AGBL4: variants seen among roughly 807,000 people sequenced by gnomAD.
AGBL4 encodes AGBL carboxypeptidase 4.
A neutral mutation model predicts 66.4 loss-of-function variants in AGBL4; 58 were observed. The ratio of observed to expected loss-of-function variants is 0.87; its 90% CI spans 0.71 to 1.09. The LOEUF (loss-of-function observed/expected upper bound fraction) is 1.09. AGBL4 is among the 50% of genes least tolerant of loss of function. The probability of loss-of-function intolerance (pLI) is 0.00; values close to 1 mark genes in which losing one functional copy is unlikely to be tolerated. For synonymous variants in AGBL4, 234 were observed against 222.9 expected (o/e 1.05, Z -0.44); for missense variants, 579 against 631.0 (o/e 0.92, Z 0.88).
chr1:48,780,817 T>C (rs1215599371), intron 6 of AGBL4, among the ~76,000 whole-genome samples: 1 of 152,088 alleles, frequency 6.6e-6, no homozygotes, highest in East Asian at 1.9e-4. Flanking sequence ...CCTAAAACCA[T>C]AAAAACTCTA....
intron 4 of AGBL4, among the ~76,000 whole-genome samples, chr1:49,121,251 C>T (rs189400609): frequency 3.9e-5 from 6 of 152,260 alleles, no homozygotes; most frequent in Non-Finnish European, 7.4e-5. Flanking sequence ...GTTCCATTGC[C>T]GGCGAGGAGC....
chr1:49,925,941 A>C (rs1454199378), intron 1 of AGBL4, among the ~76,000 whole-genome samples: 1 of 152,220 alleles, frequency 6.6e-6, no homozygotes, highest in Non-Finnish European at 1.5e-5. Flanking sequence ...CACCTGGAGC[A>C]CAGGAGAACT....
chr1:48,955,777 A>C (rs886209092), intron 5 of AGBL4, among the ~76,000 whole-genome samples: 2 of 152,186 alleles, frequency 1.3e-5, no homozygotes, highest in Non-Finnish European at 1.5e-5. Context: ...TGGCTGGATG[A>C]CCCTGGGAAA....
chr1:49,258,168 C>T (rs1036158090), intron 3 of AGBL4, among the ~76,000 whole-genome samples: 3 of 152,226 alleles, frequency 2.0e-5, no homozygotes, highest in African/African-American at 4.8e-5. Flanking sequence ...ATCACCATCA[C>T]CAAAGACCAA....
chr1:50,021,131 C>G (rs920056032), intron 1 of AGBL4, among the ~76,000 whole-genome samples: 1 of 152,094 alleles, frequency 6.6e-6, no homozygotes, highest in African/African-American at 2.4e-5. Flanking sequence ...TTTTTTAGCC[C>G]TTCATTTTAT....
At chr1:49,278,702 G>A (rs774139602) in intron 3 of AGBL4, among the ~76,000 whole-genome samples, 124 of 152,102 alleles carry the variant, frequency 8.2e-4, no homozygotes, top group Middle Eastern at 3.4e-3. Context: ...TGTTGCTGGC[G>A]TCAGGGATAG....
chr1:49,320,795 AAAAG>A (rs1645119196), intron 3 of AGBL4, among the ~76,000 whole-genome samples: 1 of 152,186 alleles, frequency 6.6e-6, no homozygotes, highest in South Asian at 2.1e-4. Flanking sequence ...AGTAATTTAT[AAAAG>A]AAAGAGGTTT....
chr1:48,612,872 G>A lies in AGBL4; in HGVS notation c.951+21621C>T, dbSNP rs189939238. ...ATGAGGGCCAGGCACGATGGCTCAC[G>A]CCTGTAATCCCAGCACTTTGGGAGG... On this transcript the variant is annotated intron_variant, in intron 9 of 13. Coordinates refer to ENST00000371839, the MANE Select transcript of AGBL4 (RefSeq NM_032785.4). Among the ~76,000 whole-genome samples the A allele has an allele frequency of 2.5e-3, 381 of 152,216 alleles. 1 individual carries two copies. Among genetic ancestry groups the A allele is most frequent in the African/African-American group, 8.7e-3 (361 of 41,530 alleles).
intron 2 of AGBL4, among the ~76,000 whole-genome samples, chr1:49,847,146 A>G (rs959663191): frequency 1.3e-5 from 2 of 152,138 alleles, no homozygotes; most frequent in African/African-American, 4.8e-5. Context: ...AGCCAACTAC[A>G]CATACATTGG....
intron 5 of AGBL4, among the ~76,000 whole-genome samples, chr1:48,869,052 T>G (rs1281699526): frequency 6.6e-6 from 1 of 152,144 alleles, no homozygotes; most frequent in Non-Finnish European, 1.5e-5. Context: ...TTTGATCTGT[T>G]TCAGTCAAAA....
At chr1:48,566,387 T>G in intron 11 of AGBL4, among the ~76,000 whole-genome samples, 1 of 152,250 alleles carries the variant, frequency 6.6e-6, no homozygotes, top group East Asian at 1.9e-4. Context: ...TAAATAGTTG[T>G]TAAACTGGGC....
At position 49,362,421 on chromosome 1, in the gene AGBL4, G is replaced by A. The variant is rs188544177; in HGVS notation, c.283-116557C>T. Among the ~76,000 whole-genome samples the A allele has an allele frequency of 8.3e-4, 105 of 126,684 alleles. No individual in the cohort carries two copies. The East Asian group carries it at 0.021, about 25-fold the overall frequency. The allele number at this position is 126,684 out of a possible 152,430, so 83.1% of individuals were successfully genotyped here. A position where few individuals can be genotyped will look rare whatever the true frequency, so the allele number is the denominator to read the frequency against. On this transcript the variant is annotated intron_variant, in intron 3 of 13. Coordinates refer to ENST00000371839, the MANE Select transcript of AGBL4 (RefSeq NM_032785.4). ...TCAAAAAATCCAACTATACACTCCAGCATGGGCAACAGAGCAAGACCCTGT... is the reference window on the plus strand; with the variant it reads ...TCAAAAAATCCAACTATACACTCCAACATGGGCAACAGAGCAAGACCCTGT...
rs566801841 is a variant in AGBL4 at position 49,055,587 on chromosome 1, T to C, written c.378-9787A>G. The stretch of plus-strand genomic sequence containing the variant: ...AGGCAAAGGCAATGTCATCAAGAAC[T>C]AAAAATCATGAGAACATATTAGAAA... On this transcript the variant is annotated intron_variant, in intron 4 of 13. Transcript: ENST00000371839. Among the ~76,000 whole-genome samples the C allele has an allele frequency of 7.1e-4, 108 of 152,104 alleles. 1 individual carries two copies. The South Asian group carries it at 0.022, about 31-fold the overall frequency.
intron 5 of AGBL4, among the ~76,000 whole-genome samples, chr1:48,964,071 C>A (rs1261375355): frequency 1.3e-5 from 2 of 152,200 alleles, no homozygotes; most frequent in Non-Finnish European, 2.9e-5. Flanking sequence ...AAAGAATAGG[C>A]AAGACACAGG....
intron 1 of AGBL4, among the ~76,000 whole-genome samples, chr1:49,979,586 A>G (rs981684715): frequency 5.3e-5 from 8 of 152,326 alleles, no homozygotes; most frequent in Non-Finnish European, 8.8e-5. Context: ...TAACAGTAGT[A>G]CATACTGTAC....
chr1:49,871,418 T>C (rs1646835768), intron 1 of AGBL4, among the ~76,000 whole-genome samples: 2 of 152,100 alleles, frequency 1.3e-5, no homozygotes, highest in Non-Finnish European at 1.5e-5. Context: ...TGTTGAAATC[T>C]TAGAGTTATC....
At chr1:48,820,447 A>T (rs966280249) in intron 6 of AGBL4, among the ~76,000 whole-genome samples, 2 of 152,164 alleles carry the variant, frequency 1.3e-5, no homozygotes, top group Non-Finnish European at 2.9e-5. Flanking sequence ...AAATTGATAA[A>T]TGTTAAACTA....
intron 1 of AGBL4, among the ~76,000 whole-genome samples, chr1:49,887,508 AAGCT>A (rs1340344534): frequency 1.3e-5 from 2 of 152,124 alleles, no homozygotes; most frequent in Non-Finnish European, 1.5e-5. Context: ...TACTATAAAC[AAGCT>A]TATATGGGTA....
At chr1:48,586,890 C>A (rs567626352) in intron 11 of AGBL4, 114 bp downstream of exon 11, 5 of 1,379,478 alleles carry the variant, frequency 3.6e-6, no homozygotes, top group East Asian at 2.3e-5. Context: ...CCTCCATCCT[C>A]ACCTGAGAGT....
Sources: allele counts gnomAD v4.1 joint callset (sites outside exome capture counted in the v4.1 genomes callset), GRCh38; gene constraint gnomAD v4.1.1; transcripts MANE v1.5; gene names NCBI Gene and HGNC (gene_info 2026-07-23, HGNC 2026-07-21).